Variants in CPB2 observed in about 807,000 individuals in gnomAD.
The protein encoded by CPB2 is carboxypeptidase B2, also known as carboxypeptidase B-like protein.
In CPB2, 54 loss-of-function variants were observed where a neutral mutation model predicts 57.0. That is an observed-to-expected ratio of 0.95 (90% CI 0.76 to 1.19). CPB2 has a LOEUF of 1.19. CPB2 is among the 50% of genes most tolerant of loss of function. The pLI, the probability that CPB2 is intolerant of heterozygous loss-of-function variation, is 0.00. For missense variants in CPB2, 426 were observed against 512.0 expected (o/e 0.83, Z 1.62); for synonymous variants, 189 against 178.1 (o/e 1.06, Z -0.49).
At chr13:46,059,293 G>A (rs2044739001) in intron 8 of CPB2, among the ~76,000 whole-genome samples, 2 of 152,158 alleles carry the variant, frequency 1.3e-5, no homozygotes, top group Admixed American at 6.5e-5. Flanking sequence ...CATTTTAGGA[G>A]ATGCAATCTG....
In CPB2 at chr13:46,053,694, C is replaced by G. The variant is rs1379534752; in HGVS notation, c.1192G>C (p.Glu398Gln). The change falls in exon 11 of 11, where the codon GAG becomes CAG. Residue 398 changes from glutamate to glutamine, a missense_variant. Transcript: ENST00000181383. ...CTACAGGTGGGTTTGATGTAACGCT[C>G]CGGCAGCAAGAATCCGTATGTGCCC... is the stretch of plus-strand genomic sequence containing the variant. ...DTGTYGFLLPERYIKPTCREA... is the reference protein window; with the variant it reads ...DTGTYGFLLPQRYIKPTCREA... 1 of 1,614,142 alleles carries G rather than the reference C, an allele frequency of 6.2e-7. No individual in the cohort carries two copies. The highest frequency in any genetic ancestry group is 1.7e-5 in the Admixed American group (1 of 60,020).
intron 2 of CPB2, among the ~76,000 whole-genome samples, chr13:46,085,752 G>C (rs545996035): frequency 6.6e-6 from 1 of 152,106 alleles, no homozygotes; most frequent in African/African-American, 2.4e-5. Context: ...AACAAACAAG[G>C]AGCCATCAAT....
chr13:46,065,326 T>A (rs1475920476), intron 7 of CPB2, among the ~76,000 whole-genome samples: 1 of 152,088 alleles, frequency 6.6e-6, no homozygotes, highest in African/African-American at 2.4e-5. Flanking sequence ...GAAAGTTTGG[T>A]CATGTAAAGA....
At chr13:46,079,556 GA>G (rs2045079882) in intron 4 of CPB2, among the ~76,000 whole-genome samples, 2 of 108,466 alleles carry the variant, frequency 1.8e-5, no homozygotes, top group South Asian at 5.9e-4. Flanking sequence ...AAAAAAAAAA[GA>G]AAAGAAAAGA....
At position 46,083,976 on chromosome 13, in the gene CPB2, C is replaced by T. The variant is rs902210154; in HGVS notation, c.275+243G>A. Among the ~76,000 whole-genome samples the T allele has an allele frequency of 2.2e-4, 34 of 152,170 alleles. 1 individual carries two copies. Among genetic ancestry groups the T allele is most frequent in the Non-Finnish European group, 1.6e-4 (11 of 68,028 alleles). The stretch of plus-strand genomic sequence containing the variant: ...AAAAAGGAACTATGAGAGCCTTTAC[C>T]AATCACTGAGTCTAACCTGCATTTT... On this transcript the variant is annotated intron_variant, in intron 3 of 10. Transcript: ENST00000181383.
At chr13:46,075,319 G>A (rs1022951) in intron 5 of CPB2, among the ~76,000 whole-genome samples, 67,599 of 152,042 alleles carry the variant, frequency 0.44, 15,297 homozygotes, top group East Asian at 0.56. Flanking sequence ...GTCTGGATTC[G>A]TTACTTTACT....
chr13:46,067,548 T>C (rs1388500366), intron 6 of CPB2, 131 bp from the exon 7 acceptor site: 3 of 588,962 alleles, frequency 5.1e-6, no homozygotes, highest in Non-Finnish European at 8.9e-6. Flanking sequence ...GAAAGAGTGC[T>C]AATTCCTCAA....
At chr13:46,090,703 T>G (rs528548116) in intron 1 of CPB2, among the ~76,000 whole-genome samples, 1 of 148,606 alleles carries the variant, frequency 6.7e-6, no homozygotes, top group African/African-American at 2.5e-5. Context: ...GTTTTACAAT[T>G]TTATCCATAA....
chr13:46,081,751 T>A (rs1329328540), intron 4 of CPB2, among the ~76,000 whole-genome samples: 1 of 152,194 alleles, frequency 6.6e-6, no homozygotes, highest in Non-Finnish European at 1.5e-5. Context: ...TTTTTACTAC[T>A]TGGAGAATAT....
At chr13:46,068,606 A>G (rs1056219079) in intron 6 of CPB2, among the ~76,000 whole-genome samples, 4 of 152,016 alleles carry the variant, frequency 2.6e-5, no homozygotes, top group Non-Finnish European at 5.9e-5. Context: ...GGTTTGTTAC[A>G]TAGTTATACA....
chr13:46,059,933 G>T (rs1431264347), intron 8 of CPB2, among the ~76,000 whole-genome samples: 1 of 152,154 alleles, frequency 6.6e-6, no homozygotes, highest in East Asian at 1.9e-4. Context: ...TAACCAATAA[G>T]GTGATTGGAT....
At chr13:46,079,368 A>C (rs7996394) in intron 4 of CPB2, among the ~76,000 whole-genome samples, 119,689 of 151,846 alleles carry the variant, frequency 0.79, 47,526 homozygotes, top group African/African-American at 0.88. Flanking sequence ...CCTGTGCAAG[A>C]ACAGTGAGAT....
chr13:46,064,904 C>T (rs1455873542), intron 7 of CPB2, among the ~76,000 whole-genome samples, 163 bp from the exon 8 acceptor site: 1 of 152,312 alleles, frequency 6.6e-6, no homozygotes, highest in South Asian at 2.1e-4. Context: ...TTCCTTTGCA[C>T]GGTCCCTATT....
intron 5 of CPB2, 142 bp downstream of exon 5, chr13:46,078,658 G>A (rs2045059882): frequency 1.6e-6 from 1 of 633,174 alleles, no homozygotes; most frequent in Non-Finnish European, 2.8e-6. Flanking sequence ...CCCCTAAATA[G>A]CCAGGTATTA....
intron 1 of CPB2, among the ~76,000 whole-genome samples, chr13:46,097,604 T>C (rs1355650899): frequency 1.3e-5 from 2 of 152,190 alleles, no homozygotes; most frequent in East Asian, 3.8e-4. Flanking sequence ...GGAATCCACT[T>C]AGCCTCTCAC....
chr13:46,079,551 A>AAAAAAAAAAAAAAAAAAAAAG (rs2045078862), intron 4 of CPB2, among the ~76,000 whole-genome samples: 2 of 124,706 alleles, frequency 1.6e-5, no homozygotes, highest in Non-Finnish European at 3.2e-5. Flanking sequence ...AAAAAAAAAA[A>AAAAAAAAAAAAAAAAAAAAAG]AAAAGAAAAG....
intron 5 of CPB2, 149 bp downstream of exon 5, chr13:46,078,651 C>T (rs1309585059): frequency 1.6e-6 from 1 of 623,500 alleles, no homozygotes; most frequent in Non-Finnish European, 2.8e-6. Flanking sequence ...TAACCAACCC[C>T]TAAATAGCCA....
At chr13:46,057,396 A>AAAC (rs1434887227) in intron 9 of CPB2, among the ~76,000 whole-genome samples, 1 of 152,152 alleles carries the variant, frequency 6.6e-6, no homozygotes, top group Non-Finnish European at 1.5e-5. Context: ...TTATTCTGTT[A>AAAC]AGAGAGCCAG....
chr13:46,058,709 A>G (rs1313823006), intron 8 of CPB2, among the ~76,000 whole-genome samples: 4 of 152,172 alleles, frequency 2.6e-5, no homozygotes, highest in African/African-American at 9.7e-5. Context: ...CACTTTCCTT[A>G]ATCCACTGTA....
Sources: gnomAD v4.1 joint callset for allele counts (sites outside exome capture counted in the v4.1 genomes callset) on GRCh38, gnomAD v4.1.1 for gene constraint, MANE v1.5 for transcripts, NCBI Gene and HGNC (gene_info 2026-07-23, HGNC 2026-07-21) for gene names.